NXPE2: variants seen among roughly 807,000 people sequenced by gnomAD.
NXPE2 encodes NXPE family member 2.
In NXPE2, 34 loss-of-function variants were observed where a neutral mutation model predicts 34.4. That is an observed-to-expected ratio of 0.99 (90% CI 0.75 to 1.31). NXPE2 has a LOEUF of 1.31. Ranked by LOEUF, NXPE2 falls within the 40% of genes most tolerant of loss-of-function variation. The probability of loss-of-function intolerance (pLI) is 0.00; values close to 1 mark genes in which losing one functional copy is unlikely to be tolerated. For missense variants in NXPE2, 649 were observed against 672.5 expected, an observed-to-expected ratio of 0.97 and a Z score of 0.39; for synonymous variants, 235 against 231.3, an observed-to-expected ratio of 1.02 and a Z score of -0.15.
the NXPE2 span, among the ~76,000 whole-genome samples, chr11:114,649,331 C>CT: frequency 2.2e-4 from 34 of 152,226 alleles, no homozygotes; most frequent in Non-Finnish European, 5.9e-5. Context: ...TAGAGAAAAT[C>CT]TAATGTATTT....
chr11:114,488,929 T>C, the NXPE2 span, among the ~76,000 whole-genome samples: 4 of 152,064 alleles, frequency 2.6e-5, no homozygotes, highest in African/African-American at 4.8e-5. Context: ...AGCTGGTTTT[T>C]TGAAAAGATC....
At chr11:114,580,189 G>A in the NXPE2 span, 1 of 1,614,000 alleles carries the variant, frequency 6.2e-7, no homozygotes, top group Non-Finnish European at 8.5e-7. Context: ...TCTCCCATTA[G>A]GTATATGAGT....
the NXPE2 span, among the ~76,000 whole-genome samples, chr11:114,618,974 A>T: frequency 6.6e-6 from 1 of 152,014 alleles, no homozygotes; most frequent in Admixed American, 6.6e-5. Context: ...AAACACTGTT[A>T]TCTGGTGGAT....
chr11:114,803,584 C>CTCTCT, the NXPE2 span, among the ~76,000 whole-genome samples: 34,761 of 143,998 alleles, frequency 0.24, 4,222 homozygotes, highest in Admixed American at 0.29. Flanking sequence ...CTCTCTCTCT[C>CTCTCT]TTTTTTTTTT....
the NXPE2 span, chr11:114,584,537 G>A: frequency 1.2e-5 from 2 of 165,660 alleles, no homozygotes; most frequent in Non-Finnish European, 2.6e-5. Context: ...AGGAGGGAGA[G>A]CGTGGCTGCA....
the NXPE2 span, among the ~76,000 whole-genome samples, chr11:114,602,324 CTA>C: frequency 0.17 from 19,671 of 118,078 alleles, 2,108 homozygotes; most frequent in South Asian, 0.22. Context: ...ATATATTATA[CTA>C]TATATATGTT....
At chr11:114,787,181 A>AC in the NXPE2 span, among the ~76,000 whole-genome samples, 5 of 105,482 alleles carry the variant, frequency 4.7e-5, no homozygotes, top group African/African-American at 1.5e-4. Context: ...GCACACACAC[A>AC]AAAAAAAAGT....
the NXPE2 span, among the ~76,000 whole-genome samples, chr11:114,609,666 C>T: frequency 6.7e-6 from 1 of 150,336 alleles, no homozygotes; most frequent in East Asian, 2.0e-4. Context: ...CGACTATTAC[C>T]CAGTGGATAA....
chr11:114,627,051 C>T, the NXPE2 span, among the ~76,000 whole-genome samples: 4 of 151,858 alleles, frequency 2.6e-5, no homozygotes, highest in African/African-American at 9.7e-5. Context: ...CATTTGTGTA[C>T]CTGAAAGTGA....
the NXPE2 span, among the ~76,000 whole-genome samples, chr11:114,521,245 C>T: frequency 1.4e-3 from 212 of 152,324 alleles, no homozygotes; most frequent in African/African-American, 4.8e-3. Context: ...ACTCCACTTA[C>T]GACACATGAG....
chr11:114,636,600 A>T, the NXPE2 span, among the ~76,000 whole-genome samples: 1 of 151,916 alleles, frequency 6.6e-6, no homozygotes, highest in Non-Finnish European at 1.5e-5. Flanking sequence ...GTGGGCATTT[A>T]GTGCTATAAA....
At chr11:114,678,324 G>A, upstream of NXPE2, 2 of 387,218 alleles carry the variant, frequency 5.2e-6, no homozygotes, top group South Asian at 7.9e-5. Flanking sequence ...GCAATTAGAT[G>A]TCCAGTCTCT....
At chr11:114,630,553 C>A in the NXPE2 span, among the ~76,000 whole-genome samples, 2 of 151,688 alleles carry the variant, frequency 1.3e-5, no homozygotes, top group East Asian at 3.9e-4. Flanking sequence ...AACGTTAGAC[C>A]TAAAACCATA....
chr11:114,655,910 T>G, the NXPE2 span, among the ~76,000 whole-genome samples: 1 of 152,136 alleles, frequency 6.6e-6, no homozygotes. Flanking sequence ...TCTACATAGT[T>G]TTGGAACTTC....
chr11:114,568,851 T>C, the NXPE2 span, among the ~76,000 whole-genome samples: 1 of 152,214 alleles, frequency 6.6e-6, no homozygotes, highest in Non-Finnish European at 1.5e-5. Flanking sequence ...AATAATTTTA[T>C]GTCTTTTTTG....
the NXPE2 span, among the ~76,000 whole-genome samples, chr11:114,647,789 C>A: frequency 2.6e-5 from 4 of 151,866 alleles, no homozygotes; most frequent in South Asian, 8.3e-4. Context: ...GCAACCTCTT[C>A]CCCCTGGGTT....
chr11:114,601,007 A>G, the NXPE2 span, among the ~76,000 whole-genome samples: 1 of 152,056 alleles, frequency 6.6e-6, no homozygotes, highest in Non-Finnish European at 1.5e-5. Flanking sequence ...GAACAGGTTG[A>G]TGCTGCCACT....
the NXPE2 span, among the ~76,000 whole-genome samples, chr11:114,659,850 C>T: frequency 6.6e-6 from 1 of 151,894 alleles, no homozygotes; most frequent in Non-Finnish European, 1.5e-5. Flanking sequence ...AAATTAAAAA[C>T]AGAAACAAAA....
At chr11:114,477,132 A>G in the NXPE2 span, among the ~76,000 whole-genome samples, 1 of 152,158 alleles carries the variant, frequency 6.6e-6, no homozygotes, top group African/African-American at 2.4e-5. Context: ...TAGCAATGAA[A>G]AGGAATGGAC....
Sources: allele counts gnomAD v4.1 joint callset (sites outside exome capture counted in the v4.1 genomes callset), GRCh38; gene constraint gnomAD v4.1.1; transcripts MANE v1.5; gene names NCBI Gene and HGNC (gene_info 2026-07-23, HGNC 2026-07-21).